Variants in CNNM3 observed in about 807,000 individuals in gnomAD.
CNNM3 encodes the protein metal transporter CNNM3.
A neutral mutation model predicts 57.1 loss-of-function variants in CNNM3; 47 were observed. That is an observed-to-expected ratio of 0.82 (90% confidence interval 0.65 to 1.05). The LOEUF (loss-of-function observed/expected upper bound fraction) is 1.05, where lower values mean the gene tolerates loss of function less well. CNNM3 is among the 50% of genes least tolerant of loss of function. CNNM3 has a pLI of 0.00. For synonymous variants in CNNM3, 507 were observed against 478.2 expected (o/e 1.06, Z -0.79); for missense variants, 957 against 973.7 (o/e 0.98, Z 0.23).
chr2:96,835,469 C>CT (rs535208227), downstream of CNNM3, among the ~76,000 whole-genome samples: 20,458 of 137,540 alleles, frequency 0.15, 2,253 homozygotes, highest in African/African-American at 0.31. Context: ...AACAATCAAA[C>CT]TTTTTTTTTT....
At chr2:96,820,445 G>A (rs1252967334) in intron 1 of CNNM3, among the ~76,000 whole-genome samples, 1 of 152,204 alleles carries the variant, frequency 6.6e-6, no homozygotes, top group African/African-American at 2.4e-5. Context: ...CAGAATAGGA[G>A]TGTCTCTCAA....
chr2:96,834,524 T>C lies in CNNM3; in HGVS notation c.*1908T>C, dbSNP rs540793109. Among the ~76,000 whole-genome samples, 15 of 151,684 alleles carry C rather than the reference T, an allele frequency of 9.9e-5. No individual in the cohort carries two copies. Among genetic ancestry groups the C allele is most frequent in the African/African-American group, 3.4e-4 (14 of 41,102 alleles). ...CACACCCAGCTAATACTTTTAATTT[T>C]TTTTTGTAGAGATAGGGTCTCATTA... is the stretch of plus-strand genomic sequence containing the variant. On this transcript the variant is annotated 3_prime_UTR_variant, in exon 8 of 8. Transcript: ENST00000305510.
chr2:96,824,778 C>T, intron 1 of CNNM3: 1 of 453,116 alleles, frequency 2.2e-6, no homozygotes, highest in Non-Finnish European at 4.1e-6. Context: ...GGTGCACGGA[C>T]CTGGAGCTGG....
intron 1 of CNNM3, among the ~76,000 whole-genome samples, chr2:96,820,506 C>G (rs1452066276): frequency 2.6e-5 from 4 of 152,076 alleles, no homozygotes; most frequent in Admixed American, 2.0e-4. Context: ...ACAGGTGTGT[C>G]AGGGGCAAGG....
At chr2:96,825,393 A>C (rs1212691353) in intron 2 of CNNM3, among the ~76,000 whole-genome samples, 192 bp downstream of exon 2, 1 of 152,032 alleles carries the variant, frequency 6.6e-6, no homozygotes, top group Non-Finnish European at 1.5e-5. Context: ...GCACCTCCAC[A>C]CAAGCATGGT....
intron 1 of CNNM3, among the ~76,000 whole-genome samples, chr2:96,822,580 G>C (rs1277836935): frequency 6.6e-6 from 1 of 152,168 alleles, no homozygotes; most frequent in African/African-American, 2.4e-5. Flanking sequence ...AAAGAGATGG[G>C]ATTACAGGTG....
intron 1 of CNNM3, among the ~76,000 whole-genome samples, chr2:96,819,213 C>T (rs907648572): frequency 1.3e-5 from 2 of 152,122 alleles, no homozygotes; most frequent in African/African-American, 4.8e-5. Flanking sequence ...CAGAGCCTCG[C>T]GGTGGTAAGT....
At chr2:96,830,252 GCCCCA>G (rs1313184524) in intron 7 of CNNM3, among the ~76,000 whole-genome samples, 1 of 150,036 alleles carries the variant, frequency 6.7e-6, no homozygotes, top group African/African-American at 2.5e-5. Flanking sequence ...ACCCCCACCT[GCCCCA>G]CCACGAGGAA....
chr2:96,818,344 A>G (rs1559006693), intron 1 of CNNM3, among the ~76,000 whole-genome samples: 1 of 150,280 alleles, frequency 6.7e-6, no homozygotes, highest in African/African-American at 2.4e-5. Context: ...CGCCCTCCCA[A>G]AGTGCTGTGA....
intron 1 of CNNM3, among the ~76,000 whole-genome samples, chr2:96,817,945 A>T (rs953901533): frequency 1.3e-5 from 2 of 152,218 alleles, no homozygotes; most frequent in African/African-American, 4.8e-5. Context: ...TGTAATATCA[A>T]ATTGACTGGA....
At chr2:96,829,204 G>A in intron 7 of CNNM3, 70 bp downstream of exon 7, 5 of 1,536,188 alleles carry the variant, frequency 3.3e-6, no homozygotes, top group South Asian at 1.3e-5. Context: ...ACACAGACTT[G>A]CACTCTCGCC....
rs188590727 is a variant in CNNM3, at chr2:96,834,436, C to T, written c.*1820C>T. ...CACGGCTTGCTGCAGCCTCGACCTC[C>T]CTGGTTCAGGCCATCCTGCCACCTC... On this transcript the variant is annotated 3_prime_UTR_variant, in exon 8 of 8. Transcript: ENST00000305510. Among the ~76,000 whole-genome samples the T allele has an allele frequency of 1.4e-3, 211 of 151,972 alleles. No homozygotes were observed. Among genetic ancestry groups the T allele is most frequent in the Non-Finnish European group, 2.3e-3 (156 of 67,990 alleles).
intron 6 of CNNM3, 28 bp from the exon 7 acceptor site, chr2:96,828,968 G>A: frequency 1.2e-6 from 2 of 1,609,940 alleles, no homozygotes; most frequent in Non-Finnish European, 1.7e-6. Flanking sequence ...TTCACCAATT[G>A]GGTCCCAGTA....
At chr2:96,819,198 C>T (rs999005682) in intron 1 of CNNM3, among the ~76,000 whole-genome samples, 8 of 152,126 alleles carry the variant, frequency 5.3e-5, no homozygotes, top group African/African-American at 1.9e-4. Flanking sequence ...GGGTTTGGGT[C>T]CAGACAGAGC....
Position 96,828,080 on chromosome 2 carries a change from TC to T in CNNM3, c.1690-17del. The T allele has an allele frequency of 6.2e-7, 1 of 1,609,854 alleles. No homozygotes were observed. Among genetic ancestry groups the T allele is most frequent in the South Asian group, 1.1e-5 (1 of 90,990 alleles). On this transcript the variant is annotated intron_variant, in intron 4 of 7. Coordinates refer to ENST00000305510, the MANE Select transcript of CNNM3 (RefSeq NM_017623.5). ...GGTAATCTGGCCGCATCTGTTTCTC[TC>T]CTTGCCACTCCTCCCAGGGCAGGGT... is the stretch of plus-strand genomic sequence containing the variant.
intron 1 of CNNM3, among the ~76,000 whole-genome samples, chr2:96,823,904 G>A (rs2079450424): frequency 6.6e-6 from 1 of 152,192 alleles, no homozygotes; most frequent in Non-Finnish European, 1.5e-5. Flanking sequence ...GAGTTGAGAT[G>A]TGCTGTGAGC....
At chr2:96,825,580 C>G (rs887504516) in intron 2 of CNNM3, among the ~76,000 whole-genome samples, 2 of 152,160 alleles carry the variant, frequency 1.3e-5, no homozygotes, top group Non-Finnish European at 2.9e-5. Flanking sequence ...CAGAAATGTC[C>G]CCTGAAAGAA....
intron 1 of CNNM3, among the ~76,000 whole-genome samples, chr2:96,821,609 T>C (rs547657830): frequency 2.4e-4 from 37 of 152,320 alleles, no homozygotes; most frequent in Non-Finnish European, 4.0e-4. Flanking sequence ...ATAAATAACT[T>C]GGACAGCTGC....
At chr2:96,819,960 A>T (rs997223756) in intron 1 of CNNM3, among the ~76,000 whole-genome samples, 3 of 152,140 alleles carry the variant, frequency 2.0e-5, no homozygotes, top group Non-Finnish European at 4.4e-5. Flanking sequence ...GGGGAAGAAT[A>T]AAAAATGTTC....
Sources: allele counts gnomAD v4.1 joint callset (sites outside exome capture counted in the v4.1 genomes callset), GRCh38; gene constraint gnomAD v4.1.1; transcripts MANE v1.5; gene names NCBI Gene and HGNC (gene_info 2026-07-23, HGNC 2026-07-21).